Variants in SEMA5A observed in about 807,000 individuals in gnomAD.
The protein encoded by SEMA5A is semaphorin-5A.
Under a neutral mutation model 135.5 loss-of-function variants are expected in SEMA5A, and 55 were observed. The ratio of observed to expected loss-of-function variants is 0.41; its 90% CI spans 0.33 to 0.51. The LOEUF is 0.51. Among genes scored for constraint, SEMA5A ranks in the 20% least tolerant of loss-of-function variants. SEMA5A has a pLI of 0.37. For synonymous variants in SEMA5A, 580 were observed against 546.5 expected, an observed-to-expected ratio of 1.06 and a Z score of -0.85; for missense variants, 1,290 against 1,419.9, an observed-to-expected ratio of 0.91 and a Z score of 1.47.
At chr5:9,251,919 G>A (rs1748815178) in intron 5 of SEMA5A, among the ~76,000 whole-genome samples, 1 of 152,144 alleles carries the variant, frequency 6.6e-6, no homozygotes, top group African/African-American at 2.4e-5. Context: ...TTACACAGTA[G>A]GTAGAAAGGA....
chr5:9,197,801 T>A (rs1745501779), intron 9 of SEMA5A, among the ~76,000 whole-genome samples: 1 of 150,196 alleles, frequency 6.7e-6, no homozygotes, highest in African/African-American at 2.5e-5. Context: ...CCCAGATATT[T>A]GTTTTATTTG....
intron 16 of SEMA5A, among the ~76,000 whole-genome samples, chr5:9,096,404 C>A (rs1335216124): frequency 6.6e-6 from 1 of 152,276 alleles, no homozygotes; most frequent in East Asian, 1.9e-4. Flanking sequence ...ATATATGAGA[C>A]CTTTTGTTTT....
At chr5:9,479,461 A>G (rs1046868794) in intron 1 of SEMA5A, among the ~76,000 whole-genome samples, 4 of 152,130 alleles carry the variant, frequency 2.6e-5, no homozygotes, top group Admixed American at 2.6e-4. Context: ...GGGCAAAGCA[A>G]AGCCTTGGAC....
At position 9,490,441 on chromosome 5, in the gene SEMA5A, G is replaced by A. The variant is rs560005948; in HGVS notation, c.-174-52589C>T. Among the ~76,000 whole-genome samples, 10 of 151,580 alleles carry A rather than the reference G, an allele frequency of 6.6e-5. No homozygotes were observed. The South Asian group carries it at 8.4e-4, about 13-fold the overall frequency. On this transcript the variant is annotated intron_variant, in intron 1 of 22. Transcript: ENST00000382496. ...TTCATAGGATCCATTATTTTTCTCC[G>A]TATTTGAAAAAAAAATTTTAATAAT...
chr5:9,424,639 G>A (rs565539345), intron 2 of SEMA5A, among the ~76,000 whole-genome samples: 23 of 152,198 alleles, frequency 1.5e-4, no homozygotes, highest in Middle Eastern at 3.4e-3. Context: ...GAACTGTTGC[G>A]TTTCCCTCCA....
intron 16 of SEMA5A, among the ~76,000 whole-genome samples, chr5:9,098,334 T>C (rs1739439477): frequency 6.6e-6 from 1 of 152,122 alleles, no homozygotes; most frequent in African/African-American, 2.4e-5. Flanking sequence ...CAGTAGCAAG[T>C]GCTCGGTAGA....
At chr5:9,510,902 AT>A (rs1250799445) in intron 1 of SEMA5A, among the ~76,000 whole-genome samples, 1 of 152,234 alleles carries the variant, frequency 6.6e-6, no homozygotes, top group Non-Finnish European at 1.5e-5. Flanking sequence ...ACTATTGGAC[AT>A]ACGAATTGTC....
chr5:9,388,014 G>A (rs566561485), intron 2 of SEMA5A, among the ~76,000 whole-genome samples: 54 of 152,260 alleles, frequency 3.5e-4, no homozygotes, highest in African/African-American at 1.2e-3. Flanking sequence ...AACATCTTTA[G>A]GAATGTCTTA....
chr5:9,323,529 T>C (rs916853551), intron 4 of SEMA5A, among the ~76,000 whole-genome samples: 1 of 152,186 alleles, frequency 6.6e-6, no homozygotes, highest in African/African-American at 2.4e-5. Context: ...TTTATCATCT[T>C]ACACAGATCA....
At chr5:9,514,646 AT>A (rs936974503) in intron 1 of SEMA5A, among the ~76,000 whole-genome samples, 1 of 152,204 alleles carries the variant, frequency 6.6e-6, no homozygotes, top group African/African-American at 2.4e-5. Context: ...GTTATACTGT[AT>A]TGCTTAGGAA....
chr5:9,544,306 C>G (rs780276191), intron 1 of SEMA5A, among the ~76,000 whole-genome samples: 1 of 152,166 alleles, frequency 6.6e-6, no homozygotes, highest in Non-Finnish European at 1.5e-5. Flanking sequence ...ACAAAGCTCA[C>G]GTTATCTTCC....
At chr5:9,210,958 A>T (rs561212219) in intron 8 of SEMA5A, among the ~76,000 whole-genome samples, 15 of 152,230 alleles carry the variant, frequency 9.9e-5, no homozygotes, top group Non-Finnish European at 1.9e-4. Context: ...ATTTAAAATG[A>T]TTCCTGACCC....
chr5:9,245,329 G>A (rs3777296), intron 5 of SEMA5A, among the ~76,000 whole-genome samples: 54,292 of 151,904 alleles, frequency 0.36, 10,347 homozygotes, highest in East Asian at 0.46. Context: ...CTATCAGAAG[G>A]TTCAGGCATT....
intron 21 of SEMA5A, among the ~76,000 whole-genome samples, chr5:9,046,178 C>A (rs906135189): frequency 6.6e-6 from 1 of 152,194 alleles, no homozygotes; most frequent in Non-Finnish European, 1.5e-5. Context: ...CAGCTTTCCC[C>A]AGAGTGTCTC....
intron 20 of SEMA5A, among the ~76,000 whole-genome samples, chr5:9,051,244 A>G (rs545230274): frequency 5.1e-4 from 78 of 152,314 alleles, no homozygotes; most frequent in South Asian, 2.5e-3. Context: ...CAACTCTACT[A>G]TTTATTTGTA....
chr5:9,114,376 A>G (rs1351307295), intron 15 of SEMA5A, among the ~76,000 whole-genome samples: 1 of 152,238 alleles, frequency 6.6e-6, no homozygotes, highest in Non-Finnish European at 1.5e-5. Flanking sequence ...TTTTGGAAAT[A>G]GTAGTTACGG....
At position 9,243,239 on chromosome 5, in the gene SEMA5A, C is replaced by G. The variant is rs79046959; in HGVS notation, c.271-5349G>C. 3.1e-4 allele frequency among the ~76,000 whole-genome samples: 47 copies of G among 152,286 alleles called. No individual in the cohort carries two copies. The East Asian group carries it at 7.9e-3, about 26-fold the overall frequency. ...CAATCTGTCTGGGCCCCTCTCCCAG[C>G]CCCTGGGGTCTGCCGCTGACCTGTG... is the stretch of plus-strand genomic sequence containing the variant. On this transcript the variant is annotated intron_variant, in intron 5 of 22. Coordinates refer to ENST00000382496, the MANE Select transcript of SEMA5A (RefSeq NM_003966.3).
At chr5:9,157,780 A>G (rs1011829584) in intron 11 of SEMA5A, among the ~76,000 whole-genome samples, 1 of 152,226 alleles carries the variant, frequency 6.6e-6, no homozygotes, top group Non-Finnish European at 1.5e-5. Context: ...GTGACAAATG[A>G]CAATGTTATT....
intron 11 of SEMA5A, among the ~76,000 whole-genome samples, chr5:9,179,105 AACAATACT>A (rs1232337872): frequency 2.0e-5 from 3 of 152,206 alleles, no homozygotes; most frequent in Non-Finnish European, 4.4e-5. Flanking sequence ...CTCAAAAAGA[AACAATACT>A]ACCCTAACTG....
Sources: allele counts gnomAD v4.1 joint callset (sites outside exome capture counted in the v4.1 genomes callset), GRCh38; gene constraint gnomAD v4.1.1; transcripts MANE v1.5; gene names NCBI Gene and HGNC (gene_info 2026-07-23, HGNC 2026-07-21).